MYO1D: variants seen among roughly 807,000 people sequenced by gnomAD.
MYO1D encodes myosin ID.
MYO1D carries 83 observed loss-of-function variants against 122.0 expected under a neutral mutation model. That is an observed-to-expected ratio of 0.68 (90% CI 0.57 to 0.82). MYO1D has a LOEUF of 0.82. Among genes scored for constraint, MYO1D ranks in the 40% least tolerant of loss-of-function variants. MYO1D has a pLI of 0.00. For missense variants in MYO1D, 1,157 were observed against 1,269.5 expected (o/e 0.91, Z 1.35); for synonymous variants, 464 against 446.9 (o/e 1.04, Z -0.48).
At chr17:32,583,857 A>G (rs575107722) in intron 21 of MYO1D, among the ~76,000 whole-genome samples, 5 of 152,052 alleles carry the variant, frequency 3.3e-5, no homozygotes, top group Admixed American at 1.3e-4. Flanking sequence ...TGCCCGCCCC[A>G]ACCTCCCAAA....
intron 21 of MYO1D, among the ~76,000 whole-genome samples, chr17:32,604,190 G>T (rs1407683607): frequency 9.3e-6 from 1 of 107,914 alleles, no homozygotes; most frequent in African/African-American, 3.3e-5. Context: ...CGTCTAAACT[G>T]AAAAAAAAAA....
At chr17:32,830,408 C>T (rs2090760712) in intron 1 of MYO1D, 1 of 152,044 alleles carries the variant, frequency 6.6e-6, no homozygotes, top group Non-Finnish European at 1.5e-5. Context: ...AGCATAGTAC[C>T]CCCAGGAGCT....
Position 32,653,824 on chromosome 17 carries a change from T to G in MYO1D, c.2595+19A>C. On this transcript the variant is annotated intron_variant, in intron 19 of 21. Transcript: ENST00000318217. ...TCAGTCTTTCCTTTCCAAGATGATCTGGTTTAAGCTTGCCTTACCTTACGG... is the reference window on the plus strand; with the variant it reads ...TCAGTCTTTCCTTTCCAAGATGATCGGGTTTAAGCTTGCCTTACCTTACGG... 1 of 1,590,048 alleles carries G rather than the reference T, an allele frequency of 6.3e-7. No individual in the cohort carries two copies. The highest frequency in any genetic ancestry group is 8.6e-7 in the Non-Finnish European group (1 of 1,159,510).
chr17:32,547,419 G>C (rs1567885252), intron 21 of MYO1D, among the ~76,000 whole-genome samples: 1 of 152,236 alleles, frequency 6.6e-6, no homozygotes, highest in Non-Finnish European at 1.5e-5. Context: ...GCTAAGGAAT[G>C]TGAGGCTCTA....
At chr17:32,811,973 A>G (rs2090576154) in intron 1 of MYO1D, among the ~76,000 whole-genome samples, 1 of 152,152 alleles carries the variant, frequency 6.6e-6, no homozygotes, top group Non-Finnish European at 1.5e-5. Context: ...CAACTGAATT[A>G]TCCAACCCAG....
chr17:32,651,431 T>A (rs564771790), intron 19 of MYO1D, among the ~76,000 whole-genome samples: 1 of 152,298 alleles, frequency 6.6e-6, no homozygotes, highest in East Asian at 1.9e-4. Flanking sequence ...GCTGCCTTAG[T>A]CTCTCTCACT....
intron 1 of MYO1D, among the ~76,000 whole-genome samples, chr17:32,832,080 T>C (rs574398046): frequency 3.9e-5 from 6 of 152,216 alleles, no homozygotes; most frequent in Admixed American, 2.0e-4. Context: ...AAGCGATACA[T>C]TGTCATGTAT....
chr17:32,852,923 A>G (rs2091001365), intron 1 of MYO1D, among the ~76,000 whole-genome samples: 1 of 152,228 alleles, frequency 6.6e-6, no homozygotes, highest in African/African-American at 2.4e-5. Flanking sequence ...GTCATCATAT[A>G]CAGATGACTG....
chr17:32,639,363 T>TGTGTGTGTGTGTGTGTGTG (rs1567923149), intron 19 of MYO1D, among the ~76,000 whole-genome samples: 1 of 128,222 alleles, frequency 7.8e-6, no homozygotes, highest in African/African-American at 3.2e-5. Context: ...GGGAGAAATT[T>TGTGTGTGTGTGTGTGTGTG]TGTGTGTGTG....
At chr17:32,688,060 A>G (rs892974862) in intron 16 of MYO1D, among the ~76,000 whole-genome samples, 5 of 152,208 alleles carry the variant, frequency 3.3e-5, no homozygotes, top group African/African-American at 4.8e-5. Flanking sequence ...AAGACTCCTT[A>G]TAAGTCATCT....
chr17:32,761,461 C>G (rs2090001488), intron 8 of MYO1D, among the ~76,000 whole-genome samples: 1 of 152,172 alleles, frequency 6.6e-6, no homozygotes, highest in Non-Finnish European at 1.5e-5. Context: ...GAACACTCTT[C>G]TCTCTGGATT....
chr17:32,711,453 CTGACCAACA>C (rs2089374994), intron 16 of MYO1D, among the ~76,000 whole-genome samples: 1 of 152,206 alleles, frequency 6.6e-6, no homozygotes, highest in Non-Finnish European at 1.5e-5. Flanking sequence ...CGAGACCAGC[CTGACCAACA>C]TGGTGAAACC....
rs1488016685 is a variant in MYO1D at position 32,864,016 on chromosome 17, T to C, written c.95+12762A>G. Among the ~76,000 whole-genome samples, 8 of 85,112 alleles carry C rather than the reference T, an allele frequency of 9.4e-5. 1 individual carries two copies. Among genetic ancestry groups the C allele is most frequent in the African/African-American group, 3.0e-4 (8 of 26,912 alleles). The allele number at this position is 85,112 out of a possible 152,430, so 55.8% of individuals were successfully genotyped here. A position where few individuals can be genotyped will look rare whatever the true frequency, so the allele number is the denominator to read the frequency against. ...TTACAAACATTTCTTCCTTTTTTTT[T>C]TTTTTTTTTTTTTTTTTTTTTTTTT... On this transcript the variant is annotated intron_variant, in intron 1 of 21. Transcript: ENST00000318217.
chr17:32,651,418 C>A (rs2088386093), intron 19 of MYO1D, among the ~76,000 whole-genome samples: 1 of 152,226 alleles, frequency 6.6e-6, no homozygotes, highest in Admixed American at 6.5e-5. Flanking sequence ...TCCACAAATT[C>A]TAGCTGCCTT....
chr17:32,806,752 G>GT (rs1262227158), intron 1 of MYO1D, among the ~76,000 whole-genome samples: 1 of 152,188 alleles, frequency 6.6e-6, no homozygotes, highest in Non-Finnish European at 1.5e-5. Context: ...CTGTTACTAT[G>GT]TTTTTATAGC....
chr17:32,747,442 G>A (rs1299635996), intron 12 of MYO1D, among the ~76,000 whole-genome samples: 2 of 152,128 alleles, frequency 1.3e-5, no homozygotes, highest in African/African-American at 4.8e-5. Flanking sequence ...TGGGAATGTT[G>A]CCTTATATCA....
chr17:32,540,701 G>A (rs938948700), intron 21 of MYO1D, among the ~76,000 whole-genome samples: 13 of 152,074 alleles, frequency 8.5e-5, no homozygotes, highest in Admixed American at 2.0e-4. Flanking sequence ...TGAGGTGGGC[G>A]GATCACTTGA....
At chr17:32,758,822 T>C (rs1254135573) in intron 10 of MYO1D, among the ~76,000 whole-genome samples, 1 of 152,156 alleles carries the variant, frequency 6.6e-6, no homozygotes, top group Non-Finnish European at 1.5e-5. Flanking sequence ...TACCTTGGAG[T>C]TAGCCTTCTG....
chr17:32,707,367 G>C (rs1216211779), intron 16 of MYO1D, among the ~76,000 whole-genome samples: 1 of 152,120 alleles, frequency 6.6e-6, no homozygotes, highest in African/African-American at 2.4e-5. Flanking sequence ...CCTGGTAAAA[G>C]CCACTGTGGT....
Sources: allele counts gnomAD v4.1 joint callset (sites outside exome capture counted in the v4.1 genomes callset), GRCh38; gene constraint gnomAD v4.1.1; transcripts MANE v1.5; gene names NCBI Gene and HGNC (gene_info 2026-07-23, HGNC 2026-07-21).